Variants in HOXB6 observed in about 807,000 individuals in gnomAD.
HOXB6 encodes the protein homeobox protein Hox-B6.
A neutral mutation model predicts 24.2 loss-of-function variants in HOXB6; 18 were observed. That is an observed-to-expected ratio of 0.74 (90% CI 0.51 to 1.10). The LOEUF (loss-of-function observed/expected upper bound fraction) is 1.10, where lower values mean the gene tolerates loss of function less well. HOXB6 is among the 50% of genes least tolerant of loss of function. The pLI is 0.00. For synonymous variants in HOXB6, 159 were observed against 139.1 expected, an observed-to-expected ratio of 1.14 and a Z score of -1.01; for missense variants, 332 against 308.3, an observed-to-expected ratio of 1.08 and a Z score of -0.58.
chr17:48,596,702 T>A lies in HOXB6; in HGVS notation c.416-30A>T. The A allele has an allele frequency of 6.2e-7, 1 of 1,607,610 alleles. No individual in the cohort carries two copies. The highest frequency in any genetic ancestry group is 1.3e-5 in the African/African-American group (1 of 75,048). ...TACGCAGAGTGGAGATGCTGAGGCC[T>A]GCGGTCACCGGGCCCAGGACCCCCT... On this transcript the variant is annotated intron_variant, in intron 3 of 3. Transcript: ENST00000225648. The surrounding 1 kb of genome is among the most constrained non-coding windows in gnomAD (Gnocchi z 4.8).
chr17:48,599,775 G>A (rs1015145647), intron 2 of HOXB6, among the ~76,000 whole-genome samples: 2 of 152,152 alleles, frequency 1.3e-5, no homozygotes, highest in Non-Finnish European at 2.9e-5. Flanking sequence ...TCACACCTGG[G>A]GACAAGAAGG....
chr17:48,595,806 TC>T lies in HOXB6; in HGVS notation c.*606del, dbSNP rs1214516628. 1.7e-5 allele frequency: 3 copies of T among 178,052 alleles called. No homozygotes were observed. Among genetic ancestry groups the T allele is most frequent in the African/African-American group, 7.6e-5 (3 of 39,306 alleles). 11.0% of individuals were successfully genotyped at this position (178,052 alleles called of 1,614,324 possible). On this transcript the variant is annotated 3_prime_UTR_variant, in exon 4 of 4. Coordinates refer to ENST00000225648, the MANE Select transcript of HOXB6 (RefSeq NM_018952.5). Reference sequence around the variant, plus strand: ...GTTGTTGTTATTATTATTATTATTATCATCATCATCATCATCATCATCATCG... The same window carrying T: ...GTTGTTGTTATTATTATTATTATTATATCATCATCATCATCATCATCATCG...
In HOXB6 at chr17:48,598,202, TTG is replaced by T; in HGVS notation, c.-54_-53del. On this transcript the variant is annotated 5_prime_UTR_variant, in exon 3 of 4. Coordinates refer to ENST00000225648, the MANE Select transcript of HOXB6 (RefSeq NM_018952.5). ...GCTGCTCCGCCGGGTTTATGATTTG[TTG>T]TGTTTTATAGTCCGAGCGCCGCGCC... is the stretch of plus-strand genomic sequence containing the variant. The T allele has an allele frequency of 6.7e-7, 1 of 1,502,028 alleles. No individual in the cohort carries two copies. The highest frequency in any genetic ancestry group is 8.9e-7 in the Non-Finnish European group (1 of 1,122,048). The allele number at this position is 1,502,028 out of a possible 1,614,324, so 93.0% of individuals were successfully genotyped here. A position where few individuals can be genotyped will look rare whatever the true frequency, so the allele number is the denominator to read the frequency against.
At position 48,596,727 on chromosome 17, in the gene HOXB6, T is replaced by A. The variant is rs2070309334; in HGVS notation, c.416-55A>T. ...TGCGGTCACCGGGCCCAGGACCCCCTCCCCTAGTCGACCCTCGAACACAGA... is the reference window on the plus strand; with the variant it reads ...TGCGGTCACCGGGCCCAGGACCCCCACCCCTAGTCGACCCTCGAACACAGA... On this transcript the variant is annotated intron_variant, in intron 3 of 3. Coordinates refer to ENST00000225648, the MANE Select transcript of HOXB6 (RefSeq NM_018952.5). This position sits in a 1 kb window ranked among gnomAD's most constrained non-coding sequence, Gnocchi z 4.8. The A allele has an allele frequency of 3.7e-6, 6 of 1,601,114 alleles. No homozygotes were observed. Among genetic ancestry groups the A allele is most frequent in the Admixed American group, 3.3e-5 (2 of 59,820 alleles).
chr17:48,602,436 T>A, intron 2 of HOXB6: 1 of 349,860 alleles, frequency 2.9e-6, no homozygotes, highest in East Asian at 7.6e-5. Flanking sequence ...CACCCTTTGA[T>A]TCAGGGCCCC....
chr17:48,602,503 C>T (rs1825292626), intron 2 of HOXB6: 1 of 231,900 alleles, frequency 4.3e-6, no homozygotes, highest in Non-Finnish European at 8.8e-6. Flanking sequence ...AAGCCGCTTC[C>T]CTTGCCAGCC....
chr17:48,602,285 G>T, intron 2 of HOXB6: 1 of 453,982 alleles, frequency 2.2e-6, no homozygotes, highest in Non-Finnish European at 4.4e-6. Flanking sequence ...CTGCCCTGCG[G>T]GTCCCCTCCC....
At chr17:48,598,614 T>C (rs2070382453) in intron 2 of HOXB6, among the ~76,000 whole-genome samples, 1 of 152,100 alleles carries the variant, frequency 6.6e-6, no homozygotes, top group Non-Finnish European at 1.5e-5. Flanking sequence ...AAAAGTTAAT[T>C]GTGTTTTCAG....
intron 3 of HOXB6, chr17:48,597,141 A>G: frequency 3.0e-6 from 3 of 996,800 alleles, no homozygotes; most frequent in East Asian, 8.5e-5. Flanking sequence ...AAATAATCCA[A>G]CCTGAGACCC....
At chr17:48,600,651 C>T (rs921531554) in intron 2 of HOXB6, 8 of 417,932 alleles carry the variant, frequency 1.9e-5, no homozygotes, top group Non-Finnish European at 2.9e-5. Context: ...CCCTACGAAT[C>T]TGTCTGTGGT....
chr17:48,597,158 T>C, intron 3 of HOXB6: 1 of 887,416 alleles, frequency 1.1e-6, no homozygotes, highest in Non-Finnish European at 1.4e-6. Context: ...ACCCCGCGCC[T>C]GTTTCTCCCT....
chr17:48,600,991 C>CGCGTGTGTGT (rs1555645437), intron 2 of HOXB6, among the ~76,000 whole-genome samples: 2 of 145,660 alleles, frequency 1.4e-5, no homozygotes, highest in South Asian at 2.3e-4. Flanking sequence ...GGGATATTTG[C>CGCGTGTGTGT]GTGTGTGTGT....
At position 48,598,082 on chromosome 17, in the gene HOXB6, G is replaced by T. The variant is rs1324380798; in HGVS notation, c.69C>A (p.Gly23=). The change falls in exon 3 of 4, where the codon GGC becomes GGA. Residue 23 remains glycine (G), a synonymous_variant. Coordinates refer to ENST00000225648, the MANE Select transcript of HOXB6 (RefSeq NM_018952.5). ...AGCCCGACGAATAGAGCGGTAGCTG[G>T]CCCAGGAAGGACTCCTGCCCGCTGG... ...TLASGQESFL[G]QLPLYSSGYA... is the part of the protein sequence containing the mutation. 7 of 1,604,810 alleles carry T rather than the reference G, an allele frequency of 4.4e-6. No homozygotes were observed. Among genetic ancestry groups the T allele is most frequent in the Non-Finnish European group, 5.1e-6 (6 of 1,175,074 alleles).
In HOXB6 at chr17:48,596,720, G is replaced by C; in HGVS notation, c.416-48C>G. 1 of 1,603,824 alleles carries C rather than the reference G, an allele frequency of 6.2e-7. No homozygotes were observed. The highest frequency in any genetic ancestry group is 8.5e-7 in the Non-Finnish European group (1 of 1,179,754). On this transcript the variant is annotated intron_variant, in intron 3 of 3. Coordinates refer to ENST00000225648, the MANE Select transcript of HOXB6 (RefSeq NM_018952.5). This position sits in a 1 kb window ranked among gnomAD's most constrained non-coding sequence, Gnocchi z 4.8. ...TGAGGCCTGCGGTCACCGGGCCCAG[G>C]ACCCCCTCCCCTAGTCGACCCTCGA...
chr17:48,597,178 C>T, intron 3 of HOXB6: 1 of 659,532 alleles, frequency 1.5e-6, no homozygotes, highest in Middle Eastern at 6.9e-4. Flanking sequence ...TCTCTCGCTC[C>T]GCCTGCTCCC....
intron 2 of HOXB6, chr17:48,602,656 A>G (rs185330447): frequency 0.011 from 2,018 of 178,684 alleles, 15 homozygotes; most frequent in Middle Eastern, 0.023. Context: ...AAATCCCCCG[A>G]ATCCCGTGGA....
At position 48,598,041 on chromosome 17, in the gene HOXB6, C is replaced by G; in HGVS notation, c.110G>C (p.Arg37Thr). The G allele has an allele frequency of 6.2e-7, 1 of 1,600,908 alleles. No individual in the cohort carries two copies. Among genetic ancestry groups the G allele is most frequent in the Non-Finnish European group, 8.5e-7 (1 of 1,174,226 alleles). The stretch of plus-strand genomic sequence containing the variant: ...TGGCCCGTAGGGCGCGGGGTAATGT[C>G]TCAGCGGGTCCGCATAGCCCGACGA... Reference protein sequence around the residue: ...LYSSGYADPLRHYPAPYGPGP... With the variant: ...LYSSGYADPLTHYPAPYGPGP... The change falls in exon 3 of 4, where the codon AGA becomes ACA. Residue 37 changes from arginine to threonine, a missense_variant. Arg to Thr is a moderately conservative substitution (Grantham distance 71). Transcript: ENST00000225648.
At chr17:48,599,289 G>GGCA (rs1418400140) in intron 2 of HOXB6, among the ~76,000 whole-genome samples, 2 of 152,284 alleles carry the variant, frequency 1.3e-5, no homozygotes, top group Non-Finnish European at 2.9e-5. Flanking sequence ...AGTAAATCTG[G>GGCA]GCACAAGGAA....
In HOXB6 at chr17:48,597,858, G is replaced by C. The variant is rs749231927; in HGVS notation, c.293C>G (p.Pro98Arg). 8.8e-6 allele frequency: 14 copies of C among 1,596,706 alleles called. No individual in the cohort carries two copies. Among genetic ancestry groups the C allele is most frequent in the African/African-American group, 4.0e-5 (3 of 74,442 alleles). Residue 98 changes from proline to arginine, a missense_variant, in exon 3 of 4, where the codon CCG (proline) becomes CGG (arginine). By Grantham distance (103) the Pro-to-Arg change is moderately radical. Transcript: ENST00000225648. ...CGACTTCCGCGGCTCGGGGTGGAAC[G>C]GGGGCTGCTCGTCGGCGCCGGAGAG... ...CALSGADEQP[P>R]FHPEPRKSDC...
Sources: gnomAD v4.1 joint callset for allele counts (sites outside exome capture counted in the v4.1 genomes callset) on GRCh38, gnomAD v4.1.1 for gene constraint, Gnocchi (gnomAD v3.1) non-coding constraint, MANE v1.5 for transcripts, NCBI Gene and HGNC (gene_info 2026-07-23, HGNC 2026-07-21) for gene names.